The following CARTPT variants were observed in gnomAD, a reference collection of about 807,000 sequenced individuals.
CARTPT encodes cocaine- and amphetamine-regulated transcript protein.
Under a neutral mutation model 12.2 loss-of-function variants are expected in CARTPT, and 6 were observed. The ratio of observed to expected loss-of-function variants is 0.49; its 90% CI spans 0.27 to 0.97. The LOEUF (loss-of-function observed/expected upper bound fraction) is 0.97. Among genes scored for constraint, CARTPT ranks in the 50% least tolerant of loss-of-function variants. CARTPT has a pLI of 0.12. For synonymous variants in CARTPT, 75 were observed against 64.1 expected (o/e 1.17, Z -0.82); for missense variants, 135 against 142.0 (o/e 0.95, Z 0.25).
intron 2 of CARTPT, 109 bp from the exon 3 acceptor site, chr5:71,720,399 G>A (rs1748683983): frequency 1.1e-6 from 1 of 872,070 alleles, no homozygotes; most frequent in African/African-American, 1.7e-5. Context: ...TGATGGTGAT[G>A]GGGTCCAATT....
chr5:71,720,103 C>T, intron 2 of CARTPT, 140 bp downstream of exon 2: 1 of 774,884 alleles, frequency 1.3e-6, no homozygotes, highest in African/African-American at 1.7e-5. Flanking sequence ...CTCCTTCTTC[C>T]TTCCCGGGTG....
chr5:71,720,093 C>T, intron 2 of CARTPT, 130 bp downstream of exon 2: 1 of 800,716 alleles, frequency 1.2e-6, no homozygotes. Context: ...ATTCTGTGGG[C>T]TCCTTCTTCC....
At chr5:71,719,988 C>G in intron 2 of CARTPT, 25 bp downstream of exon 2, 2 of 1,594,896 alleles carry the variant, frequency 1.3e-6, no homozygotes, top group Non-Finnish European at 8.6e-7. Flanking sequence ...CACTCCCTTC[C>G]CGTGTTTTTC....
intron 1 of CARTPT, 68 bp from the exon 2 acceptor site, chr5:71,719,812 G>A: frequency 2.8e-6 from 4 of 1,452,178 alleles, no homozygotes; most frequent in East Asian, 2.3e-5. Context: ...ACTAGGGCTG[G>A]AAGTGCGCAC....
rs764123946 is a variant in CARTPT, at chr5:71,720,655, C to A, written c.*40C>A. The A allele has an allele frequency of 3.4e-6, 5 of 1,486,492 alleles. No individual in the cohort carries two copies. In the South Asian group the frequency reaches 4.8e-5, roughly 14 times the overall value. 92.1% of individuals were successfully genotyped at this position (1,486,492 alleles called of 1,614,324 possible). On this transcript the variant is annotated 3_prime_UTR_variant, in exon 3 of 3. Transcript: ENST00000296777. ...TCCTCCATACATCCCCATCCCTCTA[C>A]TTTCCCCAGAGGACCACACCTTCCT...
At position 71,719,318 on chromosome 5, in the gene CARTPT, C is replaced by A; in HGVS notation, c.25C>A (p.Leu9Met). MESSRVRL[L>M]PLLGAALLLM... ...GATGGAGAGCTCCCGCGTGAGGCTG[C>A]TGCCCCTCCTGGGCGCCGCCCTGCT... Residue 9 changes from leucine (L) to methionine (M), a missense_variant, in exon 1 of 3, where the codon CTG becomes ATG. Coordinates refer to ENST00000296777, the MANE Select transcript of CARTPT (RefSeq NM_004291.4). The A allele has an allele frequency of 1.9e-6, 3 of 1,613,154 alleles. No individual in the cohort carries two copies. The highest frequency in any genetic ancestry group is 2.5e-6 in the Non-Finnish European group (3 of 1,180,024).
Position 71,720,866 on chromosome 5 carries a change from C to A in CARTPT, c.*251C>A. The A allele has an allele frequency of 2.1e-6, 1 of 481,760 alleles. No individual in the cohort carries two copies. The highest frequency in any genetic ancestry group is 3.8e-6 in the Non-Finnish European group (1 of 265,704). 29.8% of individuals were successfully genotyped at this position (481,760 alleles called of 1,614,324 possible). A position where few individuals can be genotyped will look rare whatever the true frequency, so the allele number is the denominator to read the frequency against. Reference sequence around the variant, plus strand: ...TATTTGTCTGACAAACTCTTGTGTACCTTTGTGTAAAGAAGGGAAGCTTTG... The same window carrying A: ...TATTTGTCTGACAAACTCTTGTGTAACTTTGTGTAAAGAAGGGAAGCTTTG... On this transcript the variant is annotated 3_prime_UTR_variant, in exon 3 of 3. Transcript: ENST00000296777.
intron 1 of CARTPT, chr5:71,719,670 A>G (rs779348523): frequency 1.5e-5 from 11 of 755,990 alleles, no homozygotes; most frequent in Non-Finnish European, 2.0e-5. Flanking sequence ...CCTCTGAGCA[A>G]CAGGGACCCC....
At chr5:71,720,036 C>A in intron 2 of CARTPT, 73 bp downstream of exon 2, 2 of 1,307,732 alleles carry the variant, frequency 1.5e-6, no homozygotes, top group South Asian at 1.2e-5. Context: ...TACACACAGT[C>A]TTCTCCGTAG....
In CARTPT at chr5:71,719,903, G is replaced by A; in HGVS notation, c.183G>A (p.Leu61=). ...KELIEALQEV[L]KKLKSKRVPI... ...AGATCGAAGCGCTGCAAGAAGTCTTGAAGAAGCTCAAGAGTAAACGTGTTC... is the reference window on the plus strand; with the variant it reads ...AGATCGAAGCGCTGCAAGAAGTCTTAAAGAAGCTCAAGAGTAAACGTGTTC... The change falls in exon 2 of 3, where the codon TTG becomes TTA. Residue 61 remains leucine, a synonymous_variant. Transcript: ENST00000296777. The A allele has an allele frequency of 6.2e-7, 1 of 1,614,224 alleles. No homozygotes were observed. The highest frequency in any genetic ancestry group is 8.5e-7 in the Non-Finnish European group (1 of 1,180,034).
Position 71,719,403 on chromosome 5 carries a change from C to A in CARTPT, c.110C>A (p.Ala37Asp). The change falls in exon 1 of 3, where the codon GCC becomes GAC. Residue 37 changes from alanine to aspartate, a missense_variant. By Grantham distance (126) the Ala-to-Asp change is moderately radical. Transcript: ENST00000296777. ...GAGGACGCCGAGCTCCAGCCCCGAG[C>A]CCTGGACATCTACTCTGCCGTGGAT... ...AQEDAELQPR[A>D]LDIYSAVDDA... The A allele has an allele frequency of 2.5e-6, 4 of 1,614,152 alleles. No individual in the cohort carries two copies. Among genetic ancestry groups the A allele is most frequent in the Non-Finnish European group, 3.4e-6 (4 of 1,180,020 alleles).
rs1748684486 is a variant in CARTPT, at chr5:71,720,435, G to A, written c.244-73G>A. The A allele has an allele frequency of 7.4e-6, 10 of 1,345,302 alleles. 1 individual carries two copies. Among genetic ancestry groups the A allele is most frequent in the Admixed American group, 5.9e-5 (3 of 51,154 alleles). The allele number at this position is 1,345,302 out of a possible 1,614,324, so 83.3% of individuals were successfully genotyped here. The stretch of plus-strand genomic sequence containing the variant: ...GCCCCTTTCAAGAGACAGAAATTGC[G>A]TTGACTGTGAGACTTGCCTGTTGGG... On this transcript the variant is annotated intron_variant, in intron 2 of 2. Coordinates refer to ENST00000296777, the MANE Select transcript of CARTPT (RefSeq NM_004291.4).
intron 1 of CARTPT, 32 bp from the exon 2 acceptor site, chr5:71,719,848 G>C (rs760948528): frequency 6.2e-7 from 1 of 1,609,560 alleles, no homozygotes; most frequent in Non-Finnish European, 8.5e-7. Context: ...AGCCAAGGCG[G>C]CAACTTCAGG....
In CARTPT at chr5:71,719,352, T is replaced by G; in HGVS notation, c.59T>G (p.Leu20Arg). Residue 20 changes from leucine (L) to arginine (R), a missense_variant, in exon 1 of 3, where the codon CTA becomes CGA. Leu to Arg is a moderately radical substitution (Grantham distance 102). Transcript: ENST00000296777. ...CTGGGCGCCGCCCTGCTGCTGATGC[T>G]ACCTCTGTTGGGTACCCGTGCCCAG... ...PLLGAALLLMLPLLGTRAQED... is the reference protein window; with the variant it reads ...PLLGAALLLMRPLLGTRAQED... 1 of 1,614,030 alleles carries G rather than the reference T, an allele frequency of 6.2e-7. No individual in the cohort carries two copies. Among genetic ancestry groups the G allele is most frequent in the Non-Finnish European group, 8.5e-7 (1 of 1,180,012 alleles).
rs372413454 is a variant in CARTPT, at chr5:71,719,421, C to T, written c.128C>T (p.Ala43Val). 8 of 1,614,170 alleles carry T rather than the reference C, an allele frequency of 5.0e-6. No individual in the cohort carries two copies. The highest frequency in any genetic ancestry group is 1.3e-5 in the African/African-American group (1 of 75,058). ...CCCCGAGCCCTGGACATCTACTCTG[C>T]CGTGGATGATGCCTCCCACGAGAAG... ...LQPRALDIYSAVDDASHEKEL... is the reference protein window; with the variant it reads ...LQPRALDIYSVVDDASHEKEL... The change falls in exon 1 of 3, where the codon GCC becomes GTC. Residue 43 changes from alanine (A) to valine (V), a missense_variant. Transcript: ENST00000296777.
In CARTPT at chr5:71,720,543, G is replaced by A. The variant is rs34640770; in HGVS notation, c.279G>A (p.Gly93=). 1.4e-3 allele frequency: 2,231 copies of A among 1,613,268 alleles called. 4 individuals are homozygous for A. The highest frequency in any genetic ancestry group is 3.7e-3 in the Admixed American group (219 of 59,930). Reference sequence around the variant, plus strand: ...GTGAGCAGTGTGCAGTGAGGAAAGGGGCAAGGATCGGGAAGCTGTGTGACT... The same window carrying A: ...GTGAGCAGTGTGCAGTGAGGAAAGGAGCAAGGATCGGGAAGCTGTGTGACT... ...DAGEQCAVRK[G]ARIGKLCDCP... Residue 93 remains glycine (G), a synonymous_variant, in exon 3 of 3, where the codon GGG becomes GGA. Coordinates refer to ENST00000296777, the MANE Select transcript of CARTPT (RefSeq NM_004291.4).
chr5:71,719,982 C>G lies in CARTPT; in HGVS notation c.243+19C>G, dbSNP rs1040401711. 3 of 1,602,832 alleles carry G rather than the reference C, an allele frequency of 1.9e-6. No homozygotes were observed. The highest frequency in any genetic ancestry group is 2.7e-5 in the African/African-American group (2 of 74,830). On this transcript the variant is annotated intron_variant, in intron 2 of 2. Coordinates refer to ENST00000296777, the MANE Select transcript of CARTPT (RefSeq NM_004291.4). Reference sequence around the variant, plus strand: ...CCCCATGGTAAGGTTTGTGGTCACTCCCTTCCCGTGTTTTTCCAAGAGAAA... The same window carrying G: ...CCCCATGGTAAGGTTTGTGGTCACTGCCTTCCCGTGTTTTTCCAAGAGAAA...
intron 2 of CARTPT, 94 bp from the exon 3 acceptor site, chr5:71,720,414 C>A: frequency 8.9e-7 from 1 of 1,117,414 alleles, no homozygotes; most frequent in East Asian, 2.6e-5. Flanking sequence ...CCAATTGCCC[C>A]TTTCAAGAGA....
In CARTPT at chr5:71,719,490, C is replaced by G. The variant is rs750208256; in HGVS notation, c.159+38C>G. On this transcript the variant is annotated intron_variant, in intron 1 of 2. Coordinates refer to ENST00000296777, the MANE Select transcript of CARTPT (RefSeq NM_004291.4). ...CTCGCTCTCGACCCCCTTGAGCTGT[C>G]GCCTTGTCTCTTCTCTTGCACGCCT... The G allele has an allele frequency of 4.3e-6, 7 of 1,612,046 alleles. No homozygotes were observed. The South Asian group carries it at 6.6e-5, about 15-fold the overall frequency.
Sources: allele counts gnomAD v4.1 joint callset, GRCh38; gene constraint gnomAD v4.1.1; transcripts MANE v1.5; gene names NCBI Gene and HGNC (gene_info 2026-07-23, HGNC 2026-07-21).